The following RMP24 variants were observed in gnomAD, a reference collection of about 807,000 sequenced individuals.
RMP24 encodes the protein ribonuclease MRP protein subunit p24.
the RMP24 span, chr18:35,975,177 G>A: frequency 8.9e-7 from 1 of 1,126,830 alleles, no homozygotes; most frequent in South Asian, 1.5e-5. Context: ...ATCAGCCTCA[G>A]TATAACTCAG....
the RMP24 span, chr18:35,977,536 A>G: frequency 6.2e-7 from 1 of 1,614,234 alleles, no homozygotes; most frequent in African/African-American, 1.3e-5. Context: ...ACCAGAGAGA[A>G]GGACTGCAAA....
the RMP24 span, chr18:35,978,847 T>C: frequency 2.1e-5 from 34 of 1,596,748 alleles, no homozygotes; most frequent in Non-Finnish European, 2.9e-5. Flanking sequence ...CACCTACATC[T>C]GGACAGTCAG....
At chr18:35,975,923 A>C in the RMP24 span, among the ~76,000 whole-genome samples, 1 of 152,140 alleles carries the variant, frequency 6.6e-6, no homozygotes, top group Non-Finnish European at 1.5e-5. Context: ...GAAGAGATAG[A>C]ATATTGAAGT....
At chr18:35,979,126 G>T in the RMP24 span, 1 of 1,007,346 alleles carries the variant, frequency 9.9e-7, no homozygotes, top group Non-Finnish European at 1.4e-6. Context: ...ATCCTTCAGT[G>T]TTTATGGGGA....
the RMP24 span, among the ~76,000 whole-genome samples, chr18:35,976,921 A>G: frequency 6.6e-6 from 1 of 152,184 alleles, no homozygotes; most frequent in Admixed American, 6.5e-5. Context: ...ATTTTTATTG[A>G]ACATTTTCTC....
the RMP24 span, among the ~76,000 whole-genome samples, chr18:35,975,997 A>T: frequency 3.9e-5 from 6 of 152,188 alleles, no homozygotes; most frequent in African/African-American, 1.4e-4. Flanking sequence ...TTACTGCCAC[A>T]TATTTGGAAA....
At chr18:35,976,549 T>C in the RMP24 span, among the ~76,000 whole-genome samples, 1 of 152,180 alleles carries the variant, frequency 6.6e-6, no homozygotes, top group Non-Finnish European at 1.5e-5. Flanking sequence ...GAGAAATGAA[T>C]CTTGAAAAGA....
the RMP24 span, chr18:35,972,809 A>C: frequency 1.9e-6 from 3 of 1,614,138 alleles, no homozygotes; most frequent in Non-Finnish European, 2.5e-6. Context: ...ACCTCCTGTA[A>C]GAGGACTGGA....
At chr18:35,979,189 G>C in the RMP24 span, 2 of 499,624 alleles carry the variant, frequency 4.0e-6, no homozygotes, top group Non-Finnish European at 7.0e-6. Context: ...TAGGACAGCT[G>C]TGAGGATCAA....
the RMP24 span, among the ~76,000 whole-genome samples, chr18:35,978,128 A>C: frequency 1.3e-5 from 2 of 152,314 alleles, no homozygotes; most frequent in South Asian, 4.1e-4. Context: ...GGACTACTGC[A>C]GTGATTTTCC....
At chr18:35,975,063 G>A in the RMP24 span, 1 of 1,613,666 alleles carries the variant, frequency 6.2e-7, no homozygotes, top group Non-Finnish European at 8.5e-7. Flanking sequence ...AGCAAAAATG[G>A]TGAAAAAGTT....
the RMP24 span, chr18:35,978,995 C>CTAA: frequency 6.3e-7 from 1 of 1,580,276 alleles, no homozygotes; most frequent in East Asian, 2.3e-5. Flanking sequence ...GAAGGGTGGA[C>CTAA]TTTTAAAATA....
At chr18:35,974,439 A>G in the RMP24 span, among the ~76,000 whole-genome samples, 4 of 152,236 alleles carry the variant, frequency 2.6e-5, no homozygotes, top group Admixed American at 6.5e-5. Context: ...CTTTAGCTTT[A>G]TAAGTGCTGT....
the RMP24 span, among the ~76,000 whole-genome samples, chr18:35,974,199 C>G: frequency 2.6e-5 from 4 of 152,190 alleles, no homozygotes; most frequent in African/African-American, 9.7e-5. Flanking sequence ...CCCTAGCCAC[C>G]TATTTAAAAT....
At chr18:35,978,581 A>G in the RMP24 span, among the ~76,000 whole-genome samples, 5 of 152,238 alleles carry the variant, frequency 3.3e-5, no homozygotes, top group African/African-American at 1.2e-4. Flanking sequence ...ACTGCACTCC[A>G]GCCTGGGCGA....
chr18:35,972,958 CCT>C, the RMP24 span: 1 of 1,609,876 alleles, frequency 6.2e-7, no homozygotes, highest in African/African-American at 1.3e-5. Flanking sequence ...GCCCCGCTTT[CCT>C]CTGTTCCGCA....
At chr18:35,976,791 TAA>T in the RMP24 span, among the ~76,000 whole-genome samples, 1 of 152,236 alleles carries the variant, frequency 6.6e-6, no homozygotes, top group African/African-American at 2.4e-5. Flanking sequence ...CTCCAGATGT[TAA>T]AGAGTATTAT....
the RMP24 span, chr18:35,974,787 G>A: frequency 4.7e-5 from 46 of 986,438 alleles, no homozygotes; most frequent in Non-Finnish European, 2.7e-5. Flanking sequence ...TTTACTTAAT[G>A]TGTATCTGCT....
At chr18:35,976,138 A>AT in the RMP24 span, among the ~76,000 whole-genome samples, 3,523 of 72,752 alleles carry the variant, frequency 0.048, 665 homozygotes, top group Non-Finnish European at 0.063. Flanking sequence ...TGTTTTTCTG[A>AT]TTTTTTTTTT....
Sources: gnomAD v4.1 joint callset for allele counts (sites outside exome capture counted in the v4.1 genomes callset) on GRCh38, gnomAD v4.1.1 for gene constraint, MANE v1.5 for transcripts, NCBI Gene and HGNC (gene_info 2026-07-23, HGNC 2026-07-21) for gene names.